The following AKNAD1 variants were observed in gnomAD, a reference collection of about 807,000 sequenced individuals.
The protein encoded by AKNAD1 is protein AKNAD1.
A neutral mutation model predicts 90.8 loss-of-function variants in AKNAD1; 67 were observed. That is an observed-to-expected ratio of 0.74 (90% CI 0.61 to 0.90). The LOEUF is 0.90. AKNAD1 is among the 40% of genes least tolerant of loss of function. The pLI is 0.00. For missense variants in AKNAD1, 957 were observed against 975.4 expected (o/e 0.98, Z 0.25); for synonymous variants, 327 against 341.4 (o/e 0.96, Z 0.46).
At chr1:108,820,492 A>G in intron 14 of AKNAD1, 53 bp downstream of exon 14, 2 of 1,214,948 alleles carry the variant, frequency 1.6e-6, no homozygotes, top group Non-Finnish European at 2.4e-6. Flanking sequence ...AGTACACTGT[A>G]TCCACCCAAC....
At chr1:108,841,294 G>A (rs1050459999) in intron 6 of AKNAD1, among the ~76,000 whole-genome samples, 3 of 152,170 alleles carry the variant, frequency 2.0e-5, no homozygotes, top group Non-Finnish European at 4.4e-5. Flanking sequence ...TTGGAGAGCA[G>A]ACTAAGGAAG....
At chr1:108,842,812 T>A (rs1223174286) in intron 6 of AKNAD1, among the ~76,000 whole-genome samples, 1 of 152,082 alleles carries the variant, frequency 6.6e-6, no homozygotes, top group Non-Finnish European at 1.5e-5. Flanking sequence ...TTTCTAGGGT[T>A]TTCTTAGGCT....
rs371537955 is a variant in AKNAD1, at chr1:108,820,493, T to C, written c.2249+52A>G. The C allele has an allele frequency of 2.5e-6, 3 of 1,224,416 alleles. No homozygotes were observed. In the African/African-American group the frequency reaches 4.5e-5, roughly 18 times the overall value. 75.8% of individuals were successfully genotyped at this position (1,224,416 alleles called of 1,614,324 possible). On this transcript the variant is annotated intron_variant, in intron 14 of 15. Transcript: ENST00000370001. The stretch of plus-strand genomic sequence containing the variant: ...TTAATGCACTATCAAGTACACTGTA[T>C]CCACCCAACCAATGAGAAATATTTT...
rs1458441064 is a variant in AKNAD1, at chr1:108,817,738, C to G, written c.2250-561G>C. Among the ~76,000 whole-genome samples, 8 of 151,452 alleles carry G rather than the reference C, an allele frequency of 5.3e-5. No homozygotes were observed. The East Asian group carries it at 1.6e-3, about 30-fold the overall frequency. Reference sequence around the variant, plus strand: ...GCCAGGATGGTCTCGATCTCCTGACCTCGTGATCCGCCCGCCTCGGCCTCC... The same window carrying G: ...GCCAGGATGGTCTCGATCTCCTGACGTCGTGATCCGCCCGCCTCGGCCTCC... On this transcript the variant is annotated intron_variant, in intron 14 of 15. Coordinates refer to ENST00000370001, the MANE Select transcript of AKNAD1 (RefSeq NM_152763.5).
At position 108,817,092 on chromosome 1, in the gene AKNAD1, T is replaced by C; in HGVS notation, c.2335A>G (p.Lys779Glu). 1.2e-6 allele frequency: 2 copies of C among 1,614,166 alleles called. No individual in the cohort carries two copies. Among genetic ancestry groups the C allele is most frequent in the South Asian group, 2.2e-5 (2 of 91,078 alleles). Residue 779 changes from lysine to glutamate, a missense_variant, in exon 15 of 16, where the codon AAA becomes GAA. By Grantham distance (56) the Lys-to-Glu change is moderately conservative. Transcript: ENST00000370001. ...GTGCTATCAAAGTCACATAAGGATT[T>C]GCTTCCAGAAATCCTGCAGGAGTAG... ...HFYSCRISGS[K>E]SLCDFDSTEE...
intron 6 of AKNAD1, among the ~76,000 whole-genome samples, chr1:108,841,122 G>A (rs1472331891): frequency 6.6e-6 from 1 of 151,936 alleles, no homozygotes; most frequent in Admixed American, 6.6e-5. Flanking sequence ...GCAGTGAGCC[G>A]AGATCGCGCC....
intron 14 of AKNAD1, among the ~76,000 whole-genome samples, chr1:108,819,814 C>T (rs1663753994): frequency 6.7e-6 from 1 of 149,292 alleles, no homozygotes; most frequent in Admixed American, 6.8e-5. Context: ...GGGAGGATGA[C>T]TTGAGCCCAG....
At chr1:108,836,600 C>G (rs1231248478) in intron 7 of AKNAD1, 1 of 152,232 alleles carries the variant, frequency 6.6e-6, no homozygotes, top group Non-Finnish European at 1.5e-5. Flanking sequence ...GAGGCAAACA[C>G]TTCTTCGGAA....
Position 108,852,355 on chromosome 1 carries a change from C to A in AKNAD1, c.310G>T (p.Ala104Ser), listed in dbSNP as rs201201576. 1 of 1,614,050 alleles carries A rather than the reference C, an allele frequency of 6.2e-7. No homozygotes were observed. The highest frequency in any genetic ancestry group is 8.5e-7 in the Non-Finnish European group (1 of 1,179,998). ...ATATCAGAAATGCTTGACTTAGAAG[C>A]GTCTCCTTCATTTGCTGGAATATGA... ...ALHIPANEGDASKSSISDILL... is the reference protein window; with the variant it reads ...ALHIPANEGDSSKSSISDILL... The change falls in exon 2 of 16, where the codon GCT becomes TCT. Residue 104 changes from alanine (A) to serine (S), a missense_variant. Physicochemically the swap from Ala to Ser is moderately conservative, Grantham distance 99. Transcript: ENST00000370001.
intron 7 of AKNAD1, 136 bp from the exon 8 acceptor site, chr1:108,835,192 C>T: frequency 2.1e-6 from 2 of 949,548 alleles, no homozygotes; most frequent in Non-Finnish European, 3.0e-6. Context: ...CCTGTCTCCC[C>T]CAGCTCTTTA....
At chr1:108,845,105 C>T (rs1461564203) in intron 5 of AKNAD1, among the ~76,000 whole-genome samples, 1 of 152,158 alleles carries the variant, frequency 6.6e-6, no homozygotes, top group Non-Finnish European at 1.5e-5. Context: ...AGGCATGAGC[C>T]ACCACTCCCA....
At chr1:108,834,819 T>A in intron 8 of AKNAD1, 110 bp downstream of exon 8, 1 of 1,469,666 alleles carries the variant, frequency 6.8e-7, no homozygotes, top group Admixed American at 2.5e-5. Flanking sequence ...TAACTCGTGG[T>A]CCAAGACTGC....
Position 108,843,219 on chromosome 1 carries a change from G to C in AKNAD1, c.1294C>G (p.Leu432Val). The C allele has an allele frequency of 6.2e-7, 1 of 1,614,208 alleles. No individual in the cohort carries two copies. Among genetic ancestry groups the C allele is most frequent in the Non-Finnish European group, 8.5e-7 (1 of 1,180,036 alleles). ...GHLELLEQNF[L>V]ATKDKHLTLQ... Reference sequence around the variant, plus strand: ...GTCAGATGCTTGTCCTTGGTGGCCAGAAAGTTCTGCTCCAGCAGTTCAAGG... The same window carrying C: ...GTCAGATGCTTGTCCTTGGTGGCCACAAAGTTCTGCTCCAGCAGTTCAAGG... Residue 432 changes from leucine to valine, a missense_variant, in exon 6 of 16, where the codon CTG becomes GTG. By Grantham distance (32) the Leu-to-Val change is conservative. Transcript: ENST00000370001.
upstream of AKNAD1, among the ~76,000 whole-genome samples, chr1:108,857,688 G>A (rs1665087428): frequency 6.6e-6 from 1 of 152,136 alleles, no homozygotes; most frequent in African/African-American, 2.4e-5. Flanking sequence ...TGGGGACTAT[G>A]TGTAGGACCC....
At chr1:108,822,963 G>A (rs1663865522) in intron 13 of AKNAD1, 1 of 532,924 alleles carries the variant, frequency 1.9e-6, no homozygotes, top group African/African-American at 1.9e-5. Context: ...TGATGTCTAT[G>A]GAGTGTAAAA....
chr1:108,851,057 C>T (rs1285615583), intron 2 of AKNAD1, among the ~76,000 whole-genome samples: 4 of 152,246 alleles, frequency 2.6e-5, no homozygotes, highest in South Asian at 2.1e-4. Flanking sequence ...CGTTAAGACA[C>T]GAGGCCAGGC....
intron 5 of AKNAD1, among the ~76,000 whole-genome samples, chr1:108,845,518 A>C (rs985215225): frequency 6.6e-6 from 1 of 152,192 alleles, no homozygotes; most frequent in Non-Finnish European, 1.5e-5. Flanking sequence ...GGGTCCTTCC[A>C]GGAGATGCTT....
intron 14 of AKNAD1, among the ~76,000 whole-genome samples, chr1:108,819,240 ACTC>A (rs1412703839): frequency 6.6e-6 from 1 of 151,950 alleles, no homozygotes; most frequent in Non-Finnish European, 1.5e-5. Flanking sequence ...TCCAATCTTA[ACTC>A]CTCTAATTCG....
At chr1:108,829,157 A>T (rs1193841648) in intron 10 of AKNAD1, among the ~76,000 whole-genome samples, 2 of 151,792 alleles carry the variant, frequency 1.3e-5, no homozygotes, top group African/African-American at 4.8e-5. Context: ...CTCAGGGATT[A>T]TGTAAGTTAC....
Sources: gnomAD v4.1 joint callset for allele counts (sites outside exome capture counted in the v4.1 genomes callset) on GRCh38, gnomAD v4.1.1 for gene constraint, MANE v1.5 for transcripts, NCBI Gene and HGNC (gene_info 2026-07-23, HGNC 2026-07-21) for gene names.